The following TCF7L1 variants were observed in gnomAD, a reference collection of about 807,000 sequenced individuals.
TCF7L1 encodes transcription factor 7 like 1.
A neutral mutation model predicts 63.7 loss-of-function variants in TCF7L1; 18 were observed. The observed-to-expected ratio is 0.28, with a 90% CI of 0.20 to 0.42. TCF7L1 has a LOEUF of 0.42. TCF7L1 is among the 10% of genes least tolerant of loss of function. The pLI is 1.00. For synonymous variants in TCF7L1, 355 were observed against 340.9 expected, an observed-to-expected ratio of 1.04 and a Z score of -0.46; for missense variants, 654 against 779.3, an observed-to-expected ratio of 0.84 and a Z score of 1.91.
chr2:85,263,826 C>T (rs536129785), intron 3 of TCF7L1, among the ~76,000 whole-genome samples: 3 of 152,330 alleles, frequency 2.0e-5, no homozygotes, highest in Admixed American at 6.5e-5. Context: ...CACCAGCTTT[C>T]GAGGCATAGG....
chr2:85,217,150 C>T (rs1025785167), intron 3 of TCF7L1: 3 of 152,176 alleles, frequency 2.0e-5, no homozygotes, highest in East Asian at 3.8e-4. Flanking sequence ...AAACTGACAG[C>T]GTCAACTTGA....
chr2:85,220,433 A>G (rs1049316211), intron 3 of TCF7L1, among the ~76,000 whole-genome samples: 3 of 151,668 alleles, frequency 2.0e-5, no homozygotes, highest in Non-Finnish European at 4.4e-5. Context: ...CAGTGGCGCA[A>G]TGTCAGCTCA....
At chr2:85,299,361 C>T (rs995180634) in intron 4 of TCF7L1, among the ~76,000 whole-genome samples, 1 of 149,490 alleles carries the variant, frequency 6.7e-6, no homozygotes, top group Admixed American at 6.6e-5. Flanking sequence ...ACCAGCCTGG[C>T]CAACATGGTG....
intron 3 of TCF7L1, among the ~76,000 whole-genome samples, chr2:85,268,881 C>T (rs879874448): frequency 6.6e-6 from 1 of 151,966 alleles, no homozygotes; most frequent in Non-Finnish European, 1.5e-5. Context: ...GGTGTGTGAC[C>T]GACCTGGAGG....
At chr2:85,282,334 C>T (rs576312046) in intron 3 of TCF7L1, among the ~76,000 whole-genome samples, 130 of 152,354 alleles carry the variant, frequency 8.5e-4, no homozygotes, top group African/African-American at 3.1e-3. Context: ...CTTTCCGTTA[C>T]AGCTTTCATT....
rs1424473357 is a variant in TCF7L1, at chr2:85,307,679, C to G, written c.1295C>G (p.Ser432Cys). 3 of 1,613,646 alleles carry G rather than the reference C, an allele frequency of 1.9e-6. No individual in the cohort carries two copies. Among genetic ancestry groups the G allele is most frequent in the African/African-American group, 1.3e-5 (1 of 74,894 alleles). The change falls in exon 11 of 12, where the codon TCC (serine) becomes TGC (cysteine). Residue 432 changes from serine to cysteine, a missense_variant. Ser to Cys is a moderately radical substitution (Grantham distance 112). This residue lies in a region of TCF7L1 where 184 missense variants were observed against 204.0 expected (regional missense o/e 0.90). Transcript: ENST00000282111. ...AAGAGGAAGAGAGAAAAGCAGCTGTCCCAGACACAGTCACAGCAGCAAGTC... is the reference window on the plus strand; with the variant it reads ...AAGAGGAAGAGAGAAAAGCAGCTGTGCCAGACACAGTCACAGCAGCAAGTC... Reference protein sequence around the residue: ...KKKRKREKQLSQTQSQQQVQE... With the variant: ...KKKRKREKQLCQTQSQQQVQE...
intron 3 of TCF7L1, among the ~76,000 whole-genome samples, chr2:85,267,096 TTTGGGAGG>T (rs1680992937): frequency 2.0e-5 from 3 of 152,190 alleles, no homozygotes; most frequent in Non-Finnish European, 4.4e-5. Flanking sequence ...ATCCCACCAC[TTTGGGAGG>T]CCGAGGCGGG....
At chr2:85,271,400 C>G (rs544857042) in intron 3 of TCF7L1, among the ~76,000 whole-genome samples, 13 of 152,220 alleles carry the variant, frequency 8.5e-5, no homozygotes, top group African/African-American at 1.7e-4. Context: ...CATAAGCTAC[C>G]GCGCCCGGCC....
At chr2:85,153,340 A>ATATTTTTTTTTTTTTTT (rs750002994) in intron 3 of TCF7L1, among the ~76,000 whole-genome samples, 5 of 102,272 alleles carry the variant, frequency 4.9e-5, no homozygotes, top group African/African-American at 2.1e-4. Context: ...GCCTTTATAA[A>ATATTTTTTTTTTTTTTT]TTTTTTTTTT....
At chr2:85,289,143 G>GA (rs1320147154) in intron 4 of TCF7L1, among the ~76,000 whole-genome samples, 1 of 151,704 alleles carries the variant, frequency 6.6e-6, no homozygotes, top group African/African-American at 2.4e-5. Flanking sequence ...GAACTCTTGG[G>GA]AAAATGCCAG....
intron 3 of TCF7L1, among the ~76,000 whole-genome samples, chr2:85,181,883 G>A (rs1678811121): frequency 6.6e-6 from 1 of 152,118 alleles, no homozygotes; most frequent in African/African-American, 2.4e-5. Context: ...CCAAGGCCAG[G>A]GGCAGGTACA....
chr2:85,142,432 ATGTGTGTGTGTGTGTG>A (rs138067915), intron 3 of TCF7L1, among the ~76,000 whole-genome samples: 90,243 of 137,850 alleles, frequency 0.65, 30,140 homozygotes, highest in East Asian at 0.9. Context: ...AAAAAAAAAA[ATGTGTGTGTGTGTGTG>A]TGTGTGTGTG....
intron 3 of TCF7L1, among the ~76,000 whole-genome samples, chr2:85,169,808 T>C (rs1483418038): frequency 1.3e-5 from 2 of 152,220 alleles, no homozygotes; most frequent in African/African-American, 4.8e-5. Flanking sequence ...GGGTTCTTCC[T>C]TGGCAGACTC....
At chr2:85,230,737 C>G (rs569595500) in intron 3 of TCF7L1, among the ~76,000 whole-genome samples, 1 of 152,158 alleles carries the variant, frequency 6.6e-6, no homozygotes, top group Non-Finnish European at 1.5e-5. Context: ...CTCCTGCATC[C>G]CTACGTGACA....
At position 85,133,958 on chromosome 2, in the gene TCF7L1, C is replaced by A. The variant is rs903187170; in HGVS notation, c.249+25C>A. 3 of 1,573,728 alleles carry A rather than the reference C, an allele frequency of 1.9e-6. No homozygotes were observed. The highest frequency in any genetic ancestry group is 8.6e-7 in the Non-Finnish European group (1 of 1,158,196). On this transcript the variant is annotated intron_variant, in intron 1 of 11. Coordinates refer to ENST00000282111, the MANE Select transcript of TCF7L1 (RefSeq NM_031283.3). This position sits in a 1 kb window ranked among gnomAD's most constrained non-coding sequence, Gnocchi z 4.4. Reference sequence around the variant, plus strand: ...GGTAAGGAAGCACCGCGGCCACCCCCGGGGGATCCCGGCCCTGCGTCCGCT... The same window carrying A: ...GGTAAGGAAGCACCGCGGCCACCCCAGGGGGATCCCGGCCCTGCGTCCGCT...
chr2:85,301,887 A>C (rs753475256), intron 4 of TCF7L1, among the ~76,000 whole-genome samples: 17 of 152,142 alleles, frequency 1.1e-4, no homozygotes, highest in Non-Finnish European at 2.4e-4. Context: ...GCACCTTGGG[A>C]GGCCGAGGCG....
At chr2:85,182,807 C>A (rs1373207741) in intron 3 of TCF7L1, among the ~76,000 whole-genome samples, 2 of 152,252 alleles carry the variant, frequency 1.3e-5, no homozygotes, top group Admixed American at 6.5e-5. Flanking sequence ...TCTAAGAGCT[C>A]TGCTGTCTTC....
At chr2:85,307,428 G>A (rs1042898112) in intron 10 of TCF7L1, among the ~76,000 whole-genome samples, 10 of 152,092 alleles carry the variant, frequency 6.6e-5, no homozygotes, top group South Asian at 6.2e-4. Context: ...CTGGACACCC[G>A]ACCTGGAGGG....
intron 3 of TCF7L1, among the ~76,000 whole-genome samples, chr2:85,246,564 T>C (rs1680468630): frequency 6.6e-6 from 1 of 152,180 alleles, no homozygotes; most frequent in African/African-American, 2.4e-5. Context: ...CTTATTGAGG[T>C]GATGGATTTG....
Sources: gnomAD v4.1 joint callset for allele counts (sites outside exome capture counted in the v4.1 genomes callset) on GRCh38, gnomAD v4.1.1 for gene constraint, gnomAD v4.1.1 regional missense constraint, Gnocchi (gnomAD v3.1) non-coding constraint, MANE v1.5 for transcripts, NCBI Gene and HGNC (gene_info 2026-07-23, HGNC 2026-07-21) for gene names.